The following ROBO1 variants were observed in gnomAD, a reference collection of about 807,000 sequenced individuals.
ROBO1 encodes the protein roundabout guidance receptor 1, also known as roundabout homolog 1.
Under a neutral mutation model 195.9 loss-of-function variants are expected in ROBO1, and 149 were observed. The ratio of observed to expected loss-of-function variants is 0.76; its 90% CI spans 0.67 to 0.87. The LOEUF is 0.87. ROBO1 is among the 40% of genes least tolerant of loss of function. The probability of loss-of-function intolerance (pLI) is 0.00; values close to 1 mark genes in which losing one functional copy is unlikely to be tolerated. For synonymous variants in ROBO1, 816 were observed against 733.2 expected, an observed-to-expected ratio of 1.11 and a Z score of -1.82; for missense variants, 1,933 against 2,068.3, an observed-to-expected ratio of 0.93 and a Z score of 1.27.
intron 2 of ROBO1, among the ~76,000 whole-genome samples, chr3:79,148,933 A>G (rs1365111701): frequency 6.6e-6 from 1 of 151,918 alleles, no homozygotes; most frequent in African/African-American, 2.4e-5. Flanking sequence ...AGATGTGTTC[A>G]GGCAATGAAG....
At chr3:79,272,886 C>A (rs1045404746) in intron 2 of ROBO1, among the ~76,000 whole-genome samples, 3 of 152,000 alleles carry the variant, frequency 2.0e-5, no homozygotes, top group Non-Finnish European at 2.9e-5. Flanking sequence ...TAACATACAA[C>A]AGAAATCAAT....
At chr3:78,872,679 C>A (rs2035622121) in intron 4 of ROBO1, among the ~76,000 whole-genome samples, 1 of 152,182 alleles carries the variant, frequency 6.6e-6, no homozygotes, top group Admixed American at 6.5e-5. Context: ...GGAAGTGGGG[C>A]AGTGCCTAGG....
At chr3:79,518,422 G>A (rs1348167309) in intron 2 of ROBO1, among the ~76,000 whole-genome samples, 1 of 152,044 alleles carries the variant, frequency 6.6e-6, no homozygotes, top group Admixed American at 6.6e-5. Context: ...CTCCCTCCGT[G>A]CTTCTTTTCT....
At chr3:79,514,833 T>G (rs1275417249) in intron 2 of ROBO1, among the ~76,000 whole-genome samples, 1 of 152,190 alleles carries the variant, frequency 6.6e-6, no homozygotes, top group East Asian at 1.9e-4. Context: ...AACTACTCAT[T>G]GAACTTTTAT....
intron 1 of ROBO1, among the ~76,000 whole-genome samples, chr3:79,592,873 A>G (rs1944048820): frequency 6.6e-6 from 1 of 151,974 alleles, no homozygotes; most frequent in Non-Finnish European, 1.5e-5. Flanking sequence ...TGCCCTAAAA[A>G]TCCTTTGTGC....
chr3:79,727,903 G>A (rs973562317), intron 1 of ROBO1, among the ~76,000 whole-genome samples: 1 of 152,004 alleles, frequency 6.6e-6, no homozygotes, highest in Non-Finnish European at 1.5e-5. Flanking sequence ...AGCATTGTAT[G>A]TTTTTATGTA....
At chr3:78,627,928 G>A (rs1011823083) in intron 25 of ROBO1, among the ~76,000 whole-genome samples, 1 of 151,418 alleles carries the variant, frequency 6.6e-6, no homozygotes, top group Non-Finnish European at 1.5e-5. Flanking sequence ...CTGAAGATGA[G>A]CTGCTACATT....
chr3:79,544,242 T>C (rs2107650727), intron 2 of ROBO1, among the ~76,000 whole-genome samples: 2 of 152,128 alleles, frequency 1.3e-5, no homozygotes, highest in East Asian at 3.9e-4. Flanking sequence ...GGGCCGCTAA[T>C]CTACATTAAT....
At chr3:79,658,292 A>G (rs193249698) in intron 1 of ROBO1, among the ~76,000 whole-genome samples, 286 of 152,242 alleles carry the variant, frequency 1.9e-3, no homozygotes, top group Non-Finnish European at 3.2e-3. Context: ...CAATGTTCTG[A>G]TGTTACAGAA....
At chr3:79,740,135 C>A (rs1385288348) in intron 1 of ROBO1, among the ~76,000 whole-genome samples, 1 of 149,406 alleles carries the variant, frequency 6.7e-6, no homozygotes, top group East Asian at 1.9e-4. Context: ...AGAGATCCTA[C>A]TAAATCCATT....
rs141316999 is a variant in ROBO1 at position 78,878,981 on chromosome 3, G to A, written c.499+59620C>T. On this transcript the variant is annotated intron_variant, in intron 4 of 30. Transcript: ENST00000464233. The stretch of plus-strand genomic sequence containing the variant: ...TTTGTGTCAATATTATCCTTTCAAC[G>A]TGGGGAAAAATTAGTCACTGTATTT... 5.6e-3 allele frequency among the ~76,000 whole-genome samples: 848 copies of A among 152,228 alleles called. 5 individuals carry two copies. Among genetic ancestry groups the A allele is most frequent in the Middle Eastern group, 0.041 (12 of 294 alleles).
intron 3 of ROBO1, among the ~76,000 whole-genome samples, chr3:78,960,123 ACCCGTGATTAGC>A (rs1021196935): frequency 1.3e-5 from 2 of 152,004 alleles, no homozygotes; most frequent in African/African-American, 4.8e-5. Flanking sequence ...CTATGATCAC[ACCCGTGATTAGC>A]CCCTGCACTC....
chr3:78,745,511 C>T (rs1438991408), intron 5 of ROBO1, among the ~76,000 whole-genome samples: 4 of 152,058 alleles, frequency 2.6e-5, no homozygotes, highest in Non-Finnish European at 5.9e-5. Flanking sequence ...CTTCATTGTA[C>T]ATGAATCCAA....
At chr3:78,921,245 T>C (rs2038924858) in intron 4 of ROBO1, among the ~76,000 whole-genome samples, 2 of 152,114 alleles carry the variant, frequency 1.3e-5, no homozygotes, top group Non-Finnish European at 1.5e-5. Flanking sequence ...AAGTCAAATA[T>C]AAAATAGATA....
At position 78,711,355 on chromosome 3, in the gene ROBO1, CTTCCT is replaced by C. The variant is rs2081703349; in HGVS notation, c.1045+3037_1045+3041del. 8.4e-5 allele frequency among the ~76,000 whole-genome samples: 3 copies of C among 35,646 alleles called. 1 individual carries two copies. The highest frequency in any genetic ancestry group is 6.5e-4 in the African/African-American group (3 of 4,588). The allele number at this position is 35,646 out of a possible 152,430, so 23.4% of individuals were successfully genotyped here. ...TCCTTCCTTCCTTCCTTCCTCCTTCCTTCCTTCCTTCCTTCCTTCCTTCCTTCCTT... is the reference window on the plus strand; with the variant it reads ...TCCTTCCTTCCTTCCTTCCTCCTTCCTCCTTCCTTCCTTCCTTCCTTCCTT... On this transcript the variant is annotated intron_variant, in intron 8 of 30. Coordinates refer to ENST00000464233, the MANE Select transcript of ROBO1 (RefSeq NM_002941.4).
At chr3:78,736,089 T>C (rs1161745264) in intron 5 of ROBO1, among the ~76,000 whole-genome samples, 3 of 152,122 alleles carry the variant, frequency 2.0e-5, no homozygotes, top group Non-Finnish European at 2.9e-5. Context: ...AATCATGTTT[T>C]AGAAAAAAGA....
intron 2 of ROBO1, among the ~76,000 whole-genome samples, chr3:79,474,097 A>G (rs1223057496): frequency 2.6e-5 from 4 of 152,142 alleles, no homozygotes; most frequent in South Asian, 2.1e-4. Context: ...AAGCTTCTCT[A>G]GTTGCAGAAG....
intron 3 of ROBO1, among the ~76,000 whole-genome samples, chr3:79,121,023 T>C (rs554233209): frequency 6.6e-6 from 1 of 152,162 alleles, no homozygotes; most frequent in African/African-American, 2.4e-5. Context: ...CAAGACTATG[T>C]GAGATTAGGA....
chr3:78,989,530 C>T (rs2077187500), intron 3 of ROBO1, among the ~76,000 whole-genome samples: 1 of 152,166 alleles, frequency 6.6e-6, no homozygotes, highest in South Asian at 2.1e-4. Context: ...GGGAGGATCA[C>T]CTGAGCCCAG....
Sources: gnomAD v4.1 joint callset for allele counts (sites outside exome capture counted in the v4.1 genomes callset) on GRCh38, gnomAD v4.1.1 for gene constraint, MANE v1.5 for transcripts, NCBI Gene and HGNC (gene_info 2026-07-23, HGNC 2026-07-21) for gene names.